The following FAM83B variants were observed in gnomAD, a reference collection of about 807,000 sequenced individuals.
FAM83B encodes scaffolding CK1 anchoring protein B.
In FAM83B, 26 loss-of-function variants were observed where a neutral mutation model predicts 38.8. The ratio of observed to expected loss-of-function variants is 0.67; its 90% confidence interval spans 0.49 to 0.93. The LOEUF (loss-of-function observed/expected upper bound fraction) is 0.93. FAM83B is among the 40% of genes least tolerant of loss of function. The probability of loss-of-function intolerance (pLI) is 0.00; values close to 1 mark genes in which losing one functional copy is unlikely to be tolerated. For missense variants in FAM83B, 1,237 were observed against 1,197.3 expected (o/e 1.03, Z -0.49); for synonymous variants, 419 against 423.1 (o/e 0.99, Z 0.12).
intron 2 of FAM83B, among the ~76,000 whole-genome samples, chr6:54,904,570 A>G (rs1438343165): frequency 6.6e-6 from 1 of 152,250 alleles, no homozygotes; most frequent in East Asian, 1.9e-4. Context: ...TTAATAAAAA[A>G]TAAACATATG....
At position 54,940,842 on chromosome 6, in the gene FAM83B, T is replaced by C. The variant is rs1477159108; in HGVS notation, c.1871T>C (p.Leu624Ser). The change falls in exon 5 of 5, where the codon TTA (leucine) becomes TCA (serine). Residue 624 changes from leucine (L) to serine (S), a missense_variant. Physicochemically the swap from Leu to Ser is moderately radical, Grantham distance 145 (BLOSUM62 -2). Coordinates refer to ENST00000306858, the MANE Select transcript of FAM83B (RefSeq NM_001010872.3). ...LQVPENHSVA[L>S]NQTTNGHTES... is the part of the protein sequence containing the mutation. The stretch of plus-strand genomic sequence containing the variant: ...GTTCCTGAAAACCACTCAGTAGCCT[T>C]AAACCAAACTACAAATGGCCATACT... 1.2e-6 allele frequency: 2 copies of C among 1,613,870 alleles called. No homozygotes were observed. The highest frequency in any genetic ancestry group is 1.7e-6 in the Non-Finnish European group (2 of 1,180,006).
chr6:54,897,597 C>T (rs1772569098), intron 2 of FAM83B, among the ~76,000 whole-genome samples: 1 of 151,966 alleles, frequency 6.6e-6, no homozygotes, highest in Non-Finnish European at 1.5e-5. Context: ...AAGTCCAGTC[C>T]AAGTGTTTAA....
rs894159821 is a variant in FAM83B, at chr6:54,941,731, C to T, written c.2760C>T (p.Ser920=). The stretch of plus-strand genomic sequence containing the variant: ...CTACTTCTTCTCCAAGGCCAACGTC[C>T]AGTGAGCTTCTACGATCTCATTCAA... The part of the protein sequence containing the change: ...RRPTSSPRPT[S]SELLRSHSTD... The change falls in exon 5 of 5, where the codon TCC becomes TCT. Residue 920 remains serine (S), a synonymous_variant. Transcript: ENST00000306858. 14 of 1,614,008 alleles carry T rather than the reference C, an allele frequency of 8.7e-6. No individual in the cohort carries two copies. The highest frequency in any genetic ancestry group is 1.1e-5 in the Non-Finnish European group (13 of 1,180,022).
rs146824862 is a variant in FAM83B at position 54,850,409 on chromosome 6, G to T, written c.-61+3583G>T. Among the ~76,000 whole-genome samples the T allele has an allele frequency of 3.8e-3, 574 of 152,206 alleles. 3 individuals are homozygous for T. The highest frequency in any genetic ancestry group is 0.013 in the African/African-American group (556 of 41,530). The stretch of plus-strand genomic sequence containing the variant: ...AGTATCATAAAATAATGTTAACTAA[G>T]GTTTCCCCACAGTATCACTGTGAAG... On this transcript the variant is annotated intron_variant, in intron 1 of 4. Transcript: ENST00000306858.
At chr6:54,924,713 A>G (rs572725915) in intron 2 of FAM83B, among the ~76,000 whole-genome samples, 1 of 151,866 alleles carries the variant, frequency 6.6e-6, no homozygotes, top group Non-Finnish European at 1.5e-5. Context: ...CTTTTCTCTC[A>G]TACCTTACAG....
chr6:54,851,540 T>G (rs1771288405), intron 1 of FAM83B, among the ~76,000 whole-genome samples: 1 of 152,146 alleles, frequency 6.6e-6, no homozygotes, highest in Non-Finnish European at 1.5e-5. Context: ...TGGCGTGATC[T>G]TGGCCCACCA....
chr6:54,848,943 C>T (rs1322915085), intron 1 of FAM83B, among the ~76,000 whole-genome samples: 1 of 152,122 alleles, frequency 6.6e-6, no homozygotes, highest in Admixed American at 6.6e-5. Flanking sequence ...TTATAAGTTG[C>T]AAAATGTGAA....
chr6:54,847,029 A>G (rs1259437826), intron 1 of FAM83B, among the ~76,000 whole-genome samples: 1 of 152,152 alleles, frequency 6.6e-6, no homozygotes, highest in Admixed American at 6.5e-5. Flanking sequence ...CAGTTGCTTC[A>G]GTCTTTTCTA....
chr6:54,891,172 T>C (rs991509409), intron 2 of FAM83B, among the ~76,000 whole-genome samples: 1 of 152,050 alleles, frequency 6.6e-6, no homozygotes, highest in Non-Finnish European at 1.5e-5. Flanking sequence ...CATAAAGGGC[T>C]CTACTTCCTT....
At chr6:54,922,462 A>G (rs1773192620) in intron 2 of FAM83B, among the ~76,000 whole-genome samples, 2 of 151,604 alleles carry the variant, frequency 1.3e-5, no homozygotes. Context: ...TCATTAATGC[A>G]TAGCTAATGC....
Position 54,941,069 on chromosome 6 carries a change from A to G in FAM83B, c.2098A>G (p.Lys700Glu). Residue 700 changes from lysine to glutamate, a missense_variant, in exon 5 of 5, where the codon AAA (lysine) becomes GAA (glutamate). Transcript: ENST00000306858. The stretch of plus-strand genomic sequence containing the variant: ...TCGAGTTAGACAACCAGAAAAGCCC[A>G]AAGAAGATTTGCTGAAAAGTTCTAA... Reference protein sequence around the residue: ...RNRVRQPEKPKEDLLKSSKSM... With the variant: ...RNRVRQPEKPEEDLLKSSKSM... 1 of 1,613,520 alleles carries G rather than the reference A, an allele frequency of 6.2e-7. No homozygotes were observed. The highest frequency in any genetic ancestry group is 8.5e-7 in the Non-Finnish European group (1 of 1,179,878).
At chr6:54,878,366 TAATA>T (rs1195554279) in intron 2 of FAM83B, among the ~76,000 whole-genome samples, 5 of 152,146 alleles carry the variant, frequency 3.3e-5, no homozygotes, top group Non-Finnish European at 1.5e-5. Context: ...GTTAATCAAC[TAATA>T]AATAAGGAGT....
intron 2 of FAM83B, among the ~76,000 whole-genome samples, chr6:54,871,266 CTT>C (rs1771844990): frequency 6.6e-6 from 1 of 152,036 alleles, no homozygotes. Flanking sequence ...TTTATATTGA[CTT>C]ATACATCTCA....
chr6:54,890,005 A>T (rs983228381), intron 2 of FAM83B, among the ~76,000 whole-genome samples: 11 of 152,094 alleles, frequency 7.2e-5, no homozygotes, highest in African/African-American at 2.4e-4. Context: ...TTGTTTAAAA[A>T]ATATATATAG....
intron 4 of FAM83B, among the ~76,000 whole-genome samples, chr6:54,929,339 T>C (rs1773374119): frequency 6.6e-6 from 1 of 152,158 alleles, no homozygotes; most frequent in Non-Finnish European, 1.5e-5. Context: ...AAATGCCTTC[T>C]TCTTTAATTC....
intron 2 of FAM83B, among the ~76,000 whole-genome samples, chr6:54,879,732 A>G (rs890793237): frequency 1.1e-4 from 16 of 152,154 alleles, no homozygotes; most frequent in Admixed American, 1.3e-4. Context: ...GATGTTTTTT[A>G]GTGACAGTGA....
chr6:54,851,204 C>T (rs1561901851), intron 1 of FAM83B, among the ~76,000 whole-genome samples: 1 of 151,386 alleles, frequency 6.6e-6, no homozygotes, highest in Non-Finnish European at 1.5e-5. Context: ...GCCTTTTCAT[C>T]TTTTTTTGTC....
intron 2 of FAM83B, among the ~76,000 whole-genome samples, chr6:54,875,346 T>C (rs1771965205): frequency 6.6e-6 from 1 of 152,206 alleles, no homozygotes; most frequent in African/African-American, 2.4e-5. Context: ...TATGTTTATC[T>C]GTGCCTTCAT....
rs9349738 is a variant in FAM83B at position 54,871,729 on chromosome 6, C to T, written c.444+1039C>T. On this transcript the variant is annotated intron_variant, in intron 2 of 4. Coordinates refer to ENST00000306858, the MANE Select transcript of FAM83B (RefSeq NM_001010872.3). ...CTGCCCTCTAGCCTGGGTGACAGAG[C>T]GAGACCCTGTCTCACCAAAAAAAAA... 3.4e-3 allele frequency among the ~76,000 whole-genome samples: 363 copies of T among 107,726 alleles called. 4 individuals carry two copies. The highest frequency in any genetic ancestry group is 0.033 in the East Asian group (133 of 4,044). 70.7% of individuals were successfully genotyped at this position (107,726 alleles called of 152,430 possible).
Sources: gnomAD v4.1 joint callset for allele counts (sites outside exome capture counted in the v4.1 genomes callset) on GRCh38, gnomAD v4.1.1 for gene constraint, MANE v1.5 for transcripts, NCBI Gene and HGNC (gene_info 2026-07-23, HGNC 2026-07-21) for gene names.